RIT2: variants seen among roughly 807,000 people sequenced by gnomAD.
RIT2 encodes Ras like without CAAX 2.
In RIT2, 24 loss-of-function variants were observed where a neutral mutation model predicts 23.7. The ratio of observed to expected loss-of-function variants is 1.01; its 90% CI spans 0.73 to 1.43. RIT2 has a LOEUF of 1.43. RIT2 is among the 40% of genes most tolerant of loss of function. RIT2 has a pLI of 0.00. For synonymous variants in RIT2, 107 were observed against 91.1 expected (o/e 1.17, Z -0.99); for missense variants, 236 against 266.9 (o/e 0.88, Z 0.81).
intron 3 of RIT2, among the ~76,000 whole-genome samples, chr18:42,949,287 A>G (rs1331733821): frequency 2.0e-5 from 3 of 152,116 alleles, no homozygotes; most frequent in African/African-American, 7.2e-5. Context: ...TCTAAATAAC[A>G]AATAGAGAGA....
At position 42,940,534 on chromosome 18, in the gene RIT2, T is replaced by C. The variant is rs75835230; in HGVS notation, c.235-16771A>G. Reference sequence around the variant, plus strand: ...GCTTCCAGGTCAGGTGCTGTATCTTTTCAATGTAAGTAAGAATGTATTAGC... The same window carrying C: ...GCTTCCAGGTCAGGTGCTGTATCTTCTCAATGTAAGTAAGAATGTATTAGC... On this transcript the variant is annotated intron_variant, in intron 3 of 4. Transcript: ENST00000326695. Among the ~76,000 whole-genome samples the C allele has an allele frequency of 3.4e-3, 518 of 151,808 alleles. 2 individuals are homozygous for C. Among genetic ancestry groups the C allele is most frequent in the African/African-American group, 0.012 (498 of 41,426 alleles).
intron 1 of RIT2, among the ~76,000 whole-genome samples, chr18:43,113,138 A>G (rs905364575): frequency 2.0e-5 from 3 of 152,166 alleles, no homozygotes; most frequent in Non-Finnish European, 2.9e-5. Flanking sequence ...TTAACCTTCA[A>G]TAGAAGGTTA....
intron 4 of RIT2, among the ~76,000 whole-genome samples, chr18:42,835,359 C>A (rs1906567595): frequency 6.6e-6 from 1 of 151,852 alleles, no homozygotes; most frequent in Non-Finnish European, 1.5e-5. Context: ...ATGTTCTATA[C>A]CTTAAATATA....
chr18:42,919,588 C>A (rs1391833246), intron 4 of RIT2, among the ~76,000 whole-genome samples: 1 of 152,006 alleles, frequency 6.6e-6, no homozygotes, highest in African/African-American at 2.4e-5. Flanking sequence ...ATGGTGGGCA[C>A]CTGTAATCCC....
chr18:42,858,187 C>A (rs1907237472), intron 4 of RIT2, among the ~76,000 whole-genome samples: 1 of 152,106 alleles, frequency 6.6e-6, no homozygotes. Context: ...TCTCAAAAAA[C>A]AAACAAACAT....
At chr18:42,953,160 T>G (rs1396396623) in intron 3 of RIT2, among the ~76,000 whole-genome samples, 1 of 152,158 alleles carries the variant, frequency 6.6e-6, no homozygotes, top group East Asian at 1.9e-4. Flanking sequence ...GTCTTTGTGA[T>G]CATGCAAATT....
intron 4 of RIT2, among the ~76,000 whole-genome samples, chr18:42,771,348 T>C (rs1385926651): frequency 6.6e-6 from 1 of 152,180 alleles, no homozygotes; most frequent in East Asian, 1.9e-4. Flanking sequence ...ATATTTGTTT[T>C]TATATTGACA....
At chr18:43,007,866 A>C (rs1454860016) in intron 2 of RIT2, among the ~76,000 whole-genome samples, 2 of 151,734 alleles carry the variant, frequency 1.3e-5, no homozygotes, top group African/African-American at 4.8e-5. Context: ...ATCAAATAGC[A>C]TTGGTCATTT....
chr18:42,823,549 A>G (rs1906208773), intron 4 of RIT2, among the ~76,000 whole-genome samples: 1 of 152,186 alleles, frequency 6.6e-6, no homozygotes, highest in Non-Finnish European at 1.5e-5. Flanking sequence ...GAGAATCAAG[A>G]GATCAAGTTT....
At chr18:42,871,884 G>A (rs1271898900) in intron 4 of RIT2, among the ~76,000 whole-genome samples, 3 of 152,144 alleles carry the variant, frequency 2.0e-5, no homozygotes, top group Non-Finnish European at 4.4e-5. Flanking sequence ...ATGATCTGGG[G>A]ACACAGGAAC....
intron 4 of RIT2, among the ~76,000 whole-genome samples, chr18:42,757,730 C>T (rs2143894086): frequency 6.6e-6 from 1 of 152,222 alleles, no homozygotes; most frequent in East Asian, 1.9e-4. Context: ...CAGCCAGTTC[C>T]CTGTCCTATT....
chr18:42,832,552 C>T (rs1906488876), intron 4 of RIT2, among the ~76,000 whole-genome samples: 1 of 152,090 alleles, frequency 6.6e-6, no homozygotes, highest in African/African-American at 2.4e-5. Context: ...TATTGATGTA[C>T]AATTTTTGTA....
chr18:43,099,228 G>A (rs573488504), intron 1 of RIT2, among the ~76,000 whole-genome samples: 1 of 152,104 alleles, frequency 6.6e-6, no homozygotes, highest in African/African-American at 2.4e-5. Flanking sequence ...ATGATGGCTG[G>A]AAAGCTATAG....
chr18:42,828,818 C>T (rs1906378010), intron 4 of RIT2, among the ~76,000 whole-genome samples: 1 of 152,196 alleles, frequency 6.6e-6, no homozygotes, highest in Non-Finnish European at 1.5e-5. Flanking sequence ...CTCTTGTTGC[C>T]TAAAAACTAA....
At chr18:42,952,492 A>G (rs549780255) in intron 3 of RIT2, among the ~76,000 whole-genome samples, 1 of 152,066 alleles carries the variant, frequency 6.6e-6, no homozygotes, top group African/African-American at 2.4e-5. Flanking sequence ...GATACTGTAT[A>G]GCATACTGGA....
chr18:42,925,782 C>T (rs1192106695), intron 3 of RIT2, among the ~76,000 whole-genome samples: 7 of 151,566 alleles, frequency 4.6e-5, no homozygotes, highest in Non-Finnish European at 3.0e-5. Flanking sequence ...TATACATATT[C>T]CTTCTTCCTT....
chr18:42,899,250 G>A (rs1289289809), intron 4 of RIT2, among the ~76,000 whole-genome samples: 2 of 150,612 alleles, frequency 1.3e-5, no homozygotes, highest in African/African-American at 4.9e-5. Context: ...ATTAACCAAG[G>A]AAAGCACTCA....
chr18:42,769,069 T>C (rs556597308), intron 4 of RIT2, among the ~76,000 whole-genome samples: 24 of 152,318 alleles, frequency 1.6e-4, no homozygotes, highest in Middle Eastern at 3.4e-3. Context: ...TGTGGGAATT[T>C]TGCTAGTATT....
intron 2 of RIT2, among the ~76,000 whole-genome samples, chr18:43,007,100 C>G (rs896366680): frequency 5.9e-5 from 9 of 151,454 alleles, no homozygotes; most frequent in African/African-American, 2.2e-4. Flanking sequence ...AGATAATAAA[C>G]AATTATCAAC....
Sources: allele counts gnomAD v4.1 joint callset (sites outside exome capture counted in the v4.1 genomes callset), GRCh38; gene constraint gnomAD v4.1.1; transcripts MANE v1.5; gene names NCBI Gene and HGNC (gene_info 2026-07-23, HGNC 2026-07-21).